The following SPPL3 variants were observed in gnomAD, a reference collection of about 807,000 sequenced individuals.
SPPL3 encodes the protein signal peptide peptidase-like 3.
SPPL3 carries 5 observed loss-of-function variants against 42.4 expected under a neutral mutation model. That is an observed-to-expected ratio of 0.12 (90% CI 0.06 to 0.25). The LOEUF is 0.25. Among genes scored for constraint, SPPL3 ranks in the 10% least tolerant of loss-of-function variants. SPPL3 has a pLI of 1.00. For missense variants in SPPL3, 235 were observed against 489.0 expected, an observed-to-expected ratio of 0.48 and a Z score of 4.90; for synonymous variants, 195 against 181.8, an observed-to-expected ratio of 1.07 and a Z score of -0.58.
chr12:120,899,536 T>C (rs985685233), intron 1 of SPPL3, among the ~76,000 whole-genome samples: 2 of 152,110 alleles, frequency 1.3e-5, no homozygotes. Flanking sequence ...TACAATATAG[T>C]TAGATTAGGC....
At position 120,780,107 on chromosome 12, in the gene SPPL3, T is replaced by C. The variant is rs547228586; in HGVS notation, c.502+2548A>G. ...CAGTACATGCTTGTAATCCCAGTGCTTTGTAGAGATGCAGTCTCACTATGT... is the reference window on the plus strand; with the variant it reads ...CAGTACATGCTTGTAATCCCAGTGCCTTGTAGAGATGCAGTCTCACTATGT... On this transcript the variant is annotated intron_variant, in intron 6 of 10. Coordinates refer to ENST00000353487, the MANE Select transcript of SPPL3 (RefSeq NM_139015.5). 2.6e-5 allele frequency among the ~76,000 whole-genome samples: 4 copies of C among 151,538 alleles called. No homozygotes were observed. The South Asian group carries it at 8.3e-4, about 32-fold the overall frequency.
chr12:120,884,469 G>A (rs1454217945), intron 1 of SPPL3, among the ~76,000 whole-genome samples: 1 of 150,970 alleles, frequency 6.6e-6, no homozygotes, highest in Non-Finnish European at 1.5e-5. Context: ...AATTTTCTAA[G>A]TAAGTTAAAT....
intron 1 of SPPL3, among the ~76,000 whole-genome samples, chr12:120,889,743 T>C (rs1873573382): frequency 6.6e-6 from 1 of 152,234 alleles, no homozygotes; most frequent in South Asian, 2.1e-4. Flanking sequence ...ACTGATATAG[T>C]CACCAATTCT....
intron 1 of SPPL3, among the ~76,000 whole-genome samples, chr12:120,870,110 A>G (rs1872874583): frequency 6.6e-6 from 1 of 152,230 alleles, no homozygotes; most frequent in African/African-American, 2.4e-5. Context: ...CAACATGGAA[A>G]AAAGAACACA....
At chr12:120,823,553 T>A (rs1471957898) in intron 1 of SPPL3, among the ~76,000 whole-genome samples, 3 of 152,190 alleles carry the variant, frequency 2.0e-5, no homozygotes, top group Admixed American at 1.3e-4. Flanking sequence ...TCTTCCCTGC[T>A]CTCTGGCTCC....
intron 1 of SPPL3, among the ~76,000 whole-genome samples, chr12:120,819,732 C>T (rs1870992559): frequency 6.6e-6 from 1 of 152,124 alleles, no homozygotes; most frequent in South Asian, 2.1e-4. Flanking sequence ...TTAAAAATTT[C>T]CATTTTATCA....
chr12:120,790,440 A>G (rs1276356462), intron 3 of SPPL3, among the ~76,000 whole-genome samples: 2 of 152,200 alleles, frequency 1.3e-5, no homozygotes, highest in African/African-American at 2.4e-5. Context: ...CCTCCAATCA[A>G]TATTTGATCT....
At chr12:120,867,410 T>C (rs1403652384) in intron 1 of SPPL3, among the ~76,000 whole-genome samples, 1 of 152,148 alleles carries the variant, frequency 6.6e-6, no homozygotes, top group Non-Finnish European at 1.5e-5. Context: ...CTCACGCCTG[T>C]AATCCCAGCA....
chr12:120,820,461 G>A lies in SPPL3; in HGVS notation c.24-9575C>T, dbSNP rs535465444. Among the ~76,000 whole-genome samples, 16 of 151,906 alleles carry A rather than the reference G, an allele frequency of 1.1e-4. No individual in the cohort carries two copies. The South Asian group carries it at 1.5e-3, about 14-fold the overall frequency. Reference sequence around the variant, plus strand: ...CTCCTGAGTAGCTGGGACTACAGGCGCCTGCCACCACATCCGGCTAATTTT... The same window carrying A: ...CTCCTGAGTAGCTGGGACTACAGGCACCTGCCACCACATCCGGCTAATTTT... On this transcript the variant is annotated intron_variant, in intron 1 of 10. Coordinates refer to ENST00000353487, the MANE Select transcript of SPPL3 (RefSeq NM_139015.5).
chr12:120,886,588 G>A (rs1375549870), intron 1 of SPPL3, among the ~76,000 whole-genome samples: 1 of 152,172 alleles, frequency 6.6e-6, no homozygotes, highest in Non-Finnish European at 1.5e-5. Flanking sequence ...AATGAGGAGG[G>A]AGGCAATTTT....
chr12:120,806,313 C>T (rs1287622941), intron 2 of SPPL3, among the ~76,000 whole-genome samples: 1 of 151,656 alleles, frequency 6.6e-6, no homozygotes, highest in Non-Finnish European at 1.5e-5. Context: ...ATCCTCCCAC[C>T]TTAGCTCGCG....
intron 1 of SPPL3, chr12:120,903,341 G>C: frequency 1.5e-5 from 1 of 68,508 alleles, no homozygotes; most frequent in Non-Finnish European, 3.5e-5. Context: ...TGCGCTCCCT[G>C]TCCCAGAGCC....
intron 1 of SPPL3, among the ~76,000 whole-genome samples, chr12:120,864,704 T>C (rs1341053468): frequency 1.3e-5 from 2 of 152,176 alleles, no homozygotes; most frequent in Non-Finnish European, 2.9e-5. Flanking sequence ...TGAAAAAAGA[T>C]GGTTAGGTCA....
chr12:120,844,650 C>T (rs1023909236), intron 1 of SPPL3, among the ~76,000 whole-genome samples: 1 of 152,102 alleles, frequency 6.6e-6, no homozygotes, highest in Non-Finnish European at 1.5e-5. Context: ...GGACTATTCC[C>T]TCTGCTTAGA....
At position 120,780,832 on chromosome 12, in the gene SPPL3, T is replaced by C. The variant is rs1002364962; in HGVS notation, c.502+1823A>G. Among the ~76,000 whole-genome samples the C allele has an allele frequency of 2.0e-5, 3 of 150,926 alleles. No individual in the cohort carries two copies. The East Asian group carries it at 5.9e-4, about 29-fold the overall frequency. Reference sequence around the variant, plus strand: ...GGAGGCTGAGGCAGAATAGTTGGAATCCGGGAGACGAAGGCTGCAGCGAGC... The same window carrying C: ...GGAGGCTGAGGCAGAATAGTTGGAACCCGGGAGACGAAGGCTGCAGCGAGC... On this transcript the variant is annotated intron_variant, in intron 6 of 10. Coordinates refer to ENST00000353487, the MANE Select transcript of SPPL3 (RefSeq NM_139015.5).
At chr12:120,888,777 A>C (rs917307018) in intron 1 of SPPL3, among the ~76,000 whole-genome samples, 7 of 152,192 alleles carry the variant, frequency 4.6e-5, no homozygotes, top group Admixed American at 2.0e-4. Flanking sequence ...TGTACACTTT[A>C]AATGACTGAA....
At chr12:120,839,816 A>G (rs1871748228) in intron 1 of SPPL3, among the ~76,000 whole-genome samples, 2 of 152,192 alleles carry the variant, frequency 1.3e-5, no homozygotes, top group African/African-American at 2.4e-5. Context: ...TCCTAGGTAT[A>G]GTCAAGAGAA....
Position 120,768,477 on chromosome 12 carries a change from T to G in SPPL3, c.621A>C (p.Ser207=). 1 of 1,612,718 alleles carries G rather than the reference T, an allele frequency of 6.2e-7. No individual in the cohort carries two copies. Residue 207 remains serine, a synonymous_variant, in exon 8 of 11, where the codon TCA becomes TCC. Coordinates refer to ENST00000353487, the MANE Select transcript of SPPL3 (RefSeq NM_139015.5). ...LIYDVFWVFF[S]AYIFNSNVMV... is the part of the protein sequence containing the mutation. ...TGACGTTGCTATTGAAGATGTAGGCTGAGAAAAATACCTGCCGAGTTGGAG... is the reference window on the plus strand; with the variant it reads ...TGACGTTGCTATTGAAGATGTAGGCGGAGAAAAATACCTGCCGAGTTGGAG...
chr12:120,876,829 AC>A (rs1873116811), intron 1 of SPPL3, among the ~76,000 whole-genome samples: 1 of 151,476 alleles, frequency 6.6e-6, no homozygotes, highest in Admixed American at 6.6e-5. Context: ...ACACACACAC[AC>A]ACACACACAC....
Sources: allele counts gnomAD v4.1 joint callset (sites outside exome capture counted in the v4.1 genomes callset), GRCh38; gene constraint gnomAD v4.1.1; transcripts MANE v1.5; gene names NCBI Gene and HGNC (gene_info 2026-07-23, HGNC 2026-07-21).